Variants in MACROD2 observed in about 807,000 individuals in gnomAD.
MACROD2 encodes ADP-ribose glycohydrolase MACROD2.
A neutral mutation model predicts 70.4 loss-of-function variants in MACROD2; 36 were observed. The ratio of observed to expected loss-of-function variants is 0.51; its 90% CI spans 0.39 to 0.68. MACROD2 has a LOEUF of 0.68. MACROD2 is among the 30% of genes least tolerant of loss of function. The pLI is 0.00. For missense variants in MACROD2, 496 were observed against 538.4 expected, an observed-to-expected ratio of 0.92 and a Z score of 0.78; for synonymous variants, 172 against 178.8, an observed-to-expected ratio of 0.96 and a Z score of 0.30.
chr20:15,426,158 C>T (rs1410954306), intron 6 of MACROD2, among the ~76,000 whole-genome samples: 1 of 151,070 alleles, frequency 6.6e-6, no homozygotes, highest in Non-Finnish European at 1.5e-5. Flanking sequence ...GTCCTATGAC[C>T]CTGCCAAATC....
rs6135449 is a variant in MACROD2, at chr20:15,584,713, G to T, written c.645+84866G>T. On this transcript the variant is annotated intron_variant, in intron 8 of 17. Transcript: ENST00000684519. ...ACAGGGGGCACTGGTACCCATGCCGGGGCTGGTTACCACCTTCCCGTGGGC... is the reference window on the plus strand; with the variant it reads ...ACAGGGGGCACTGGTACCCATGCCGTGGCTGGTTACCACCTTCCCGTGGGC... Among the ~76,000 whole-genome samples the T allele has an allele frequency of 6.9e-4, 105 of 152,288 alleles. 1 individual carries two copies. The East Asian group carries it at 0.02, about 29-fold the overall frequency.
chr20:15,475,067 T>C (rs1049700210), intron 7 of MACROD2, among the ~76,000 whole-genome samples: 3 of 152,176 alleles, frequency 2.0e-5, no homozygotes, highest in Non-Finnish European at 4.4e-5. Flanking sequence ...AAATAAAGAA[T>C]ATAGTATAGC....
At position 14,954,342 on chromosome 20, in the gene MACROD2, T is replaced by A. The variant is rs1053873923; in HGVS notation, c.418+269383T>A. Reference sequence around the variant, plus strand: ...CACATTTGTTGGATCTACTTATGAATCTTTGGAAAAACTAATTGTAGTAAA... The same window carrying A: ...CACATTTGTTGGATCTACTTATGAAACTTTGGAAAAACTAATTGTAGTAAA... On this transcript the variant is annotated intron_variant, in intron 5 of 17. Transcript: ENST00000684519. Among the ~76,000 whole-genome samples, 36 of 151,542 alleles carry A rather than the reference T, an allele frequency of 2.4e-4. 2 individuals carry two copies. The highest frequency in any genetic ancestry group is 2.0e-3 in the Admixed American group (30 of 15,146).
chr20:15,495,726 A>G (rs953887242), intron 7 of MACROD2, among the ~76,000 whole-genome samples: 1 of 152,114 alleles, frequency 6.6e-6, no homozygotes, highest in East Asian at 1.9e-4. Flanking sequence ...CAGGGTTTTC[A>G]CTCTATTAAG....
intron 4 of MACROD2, among the ~76,000 whole-genome samples, chr20:14,634,737 T>C (rs1202724680): frequency 6.6e-6 from 1 of 152,182 alleles, no homozygotes; most frequent in Non-Finnish European, 1.5e-5. Flanking sequence ...TGTTAAGATA[T>C]CCAAAATAGG....
chr20:14,755,918 T>G (rs1224746560), intron 5 of MACROD2, among the ~76,000 whole-genome samples: 1 of 152,126 alleles, frequency 6.6e-6, no homozygotes, highest in African/African-American at 2.4e-5. Context: ...TTATCTGAGA[T>G]TTCTGTAGCT....
At chr20:15,436,326 A>G (rs994677814) in intron 7 of MACROD2, among the ~76,000 whole-genome samples, 2 of 152,158 alleles carry the variant, frequency 1.3e-5, no homozygotes, top group Admixed American at 6.6e-5. Flanking sequence ...CACGTCTTAC[A>G]TGGATGGCAG....
chr20:15,599,369 C>T (rs905679463), intron 8 of MACROD2, among the ~76,000 whole-genome samples: 5 of 151,852 alleles, frequency 3.3e-5, no homozygotes, highest in South Asian at 2.1e-4. Flanking sequence ...TCCAGTCTGG[C>T]GACAGAGCAA....
At chr20:16,002,361 G>A (rs1423443811) in intron 15 of MACROD2, among the ~76,000 whole-genome samples, 3 of 152,168 alleles carry the variant, frequency 2.0e-5, no homozygotes, top group Admixed American at 6.5e-5. Context: ...ACATTACACA[G>A]GAAAAGAGAC....
At chr20:14,794,311 G>A (rs1039365875) in intron 5 of MACROD2, among the ~76,000 whole-genome samples, 2 of 152,058 alleles carry the variant, frequency 1.3e-5, no homozygotes, top group African/African-American at 2.4e-5. Context: ...TGTCACCATT[G>A]AAGACTACCT....
chr20:15,349,482 C>T (rs542462249), intron 6 of MACROD2, among the ~76,000 whole-genome samples: 14 of 152,166 alleles, frequency 9.2e-5, no homozygotes, highest in South Asian at 6.2e-4. Flanking sequence ...ATGGGCCAGG[C>T]GTGGTGGCTC....
At chr20:14,594,552 T>C (rs1162117515) in intron 4 of MACROD2, among the ~76,000 whole-genome samples, 1 of 152,212 alleles carries the variant, frequency 6.6e-6, no homozygotes, top group Non-Finnish European at 1.5e-5. Context: ...CATCTCTTCT[T>C]TAAAATAAAT....
intron 8 of MACROD2, among the ~76,000 whole-genome samples, chr20:15,586,418 C>A (rs933782939): frequency 1.1e-4 from 17 of 152,156 alleles, no homozygotes; most frequent in African/African-American, 3.9e-4. Context: ...TGAGATAAAG[C>A]ATTAATTGAT....
chr20:15,620,963 G>C (rs763515002), intron 8 of MACROD2, among the ~76,000 whole-genome samples: 1 of 152,140 alleles, frequency 6.6e-6, no homozygotes, highest in Non-Finnish European at 1.5e-5. Flanking sequence ...TGACTTTAGA[G>C]AAGGTCACAG....
At chr20:15,769,438 C>T (rs1290295365) in intron 8 of MACROD2, among the ~76,000 whole-genome samples, 3 of 152,188 alleles carry the variant, frequency 2.0e-5, no homozygotes, top group Non-Finnish European at 2.9e-5. Context: ...TGAGCCACCA[C>T]GCCCCACCTA....
rs1338939195 is a variant in MACROD2 at position 14,426,204 on chromosome 20, A to G, written c.272-67275A>G. On this transcript the variant is annotated intron_variant, in intron 3 of 17. Transcript: ENST00000684519. Reference sequence around the variant, plus strand: ...ATTTATACAATTTGATGTTGGATCTACTGGACTGGCCTTTCTTTCTTACAT... The same window carrying G: ...ATTTATACAATTTGATGTTGGATCTGCTGGACTGGCCTTTCTTTCTTACAT... Among the ~76,000 whole-genome samples, 3 of 152,188 alleles carry G rather than the reference A, an allele frequency of 2.0e-5. No individual in the cohort carries two copies. The East Asian group carries it at 5.8e-4, about 29-fold the overall frequency.
chr20:15,868,172 C>T (rs952077609), intron 9 of MACROD2, among the ~76,000 whole-genome samples: 2 of 152,150 alleles, frequency 1.3e-5, no homozygotes, highest in African/African-American at 4.8e-5. Context: ...GGTTATTTTA[C>T]AGTGTTTCGA....
chr20:15,402,952 G>A lies in MACROD2; in HGVS notation c.541-28453G>A, dbSNP rs967869181. 7.3e-5 allele frequency among the ~76,000 whole-genome samples: 11 copies of A among 151,590 alleles called. No individual in the cohort carries two copies. In the East Asian group the frequency reaches 2.1e-3, roughly 29 times the overall value. ...GGTCCTCTTAACAGGTGTTTTTTTT[G>A]TTTTGTTTTGTTTTTTGTTTTTTTT... On this transcript the variant is annotated intron_variant, in intron 6 of 17. Transcript: ENST00000684519.
At chr20:15,057,280 G>T (rs141422965) in intron 5 of MACROD2, among the ~76,000 whole-genome samples, 3 of 152,268 alleles carry the variant, frequency 2.0e-5, no homozygotes, top group East Asian at 1.9e-4. Flanking sequence ...TTCCAGGACT[G>T]CCTTCCTTAA....
Sources: gnomAD v4.1 joint callset for allele counts (sites outside exome capture counted in the v4.1 genomes callset) on GRCh38, gnomAD v4.1.1 for gene constraint, MANE v1.5 for transcripts, NCBI Gene and HGNC (gene_info 2026-07-23, HGNC 2026-07-21) for gene names.